Variants in CCDC138 observed in about 807,000 individuals in gnomAD.
CCDC138 encodes coiled-coil domain-containing protein 138.
A neutral mutation model predicts 82.3 loss-of-function variants in CCDC138; 66 were observed. The ratio of observed to expected loss-of-function variants is 0.80; its 90% CI spans 0.66 to 0.98. The LOEUF is 0.98. Ranked by LOEUF, CCDC138 falls within the 50% of genes least tolerant of loss-of-function variation. The pLI is 0.00. For missense variants in CCDC138, 816 were observed against 758.9 expected (o/e 1.08, Z -0.88); for synonymous variants, 297 against 265.4 (o/e 1.12, Z -1.16).
intron 14 of CCDC138, 57 bp downstream of exon 14, chr2:108,873,646 T>A: frequency 7.6e-7 from 1 of 1,316,906 alleles, no homozygotes; most frequent in Non-Finnish European, 1.1e-6. Context: ...TGTGATCATT[T>A]AAACCAGGGG....
chr2:108,816,482 G>T (rs1463755080), intron 10 of CCDC138, among the ~76,000 whole-genome samples: 1 of 151,892 alleles, frequency 6.6e-6, no homozygotes, highest in African/African-American at 2.4e-5. Context: ...AATTTGAGGG[G>T]CTGCCTCTGA....
chr2:108,873,512 G>A lies in CCDC138; in HGVS notation c.1755G>A (p.Val585=). Residue 585 remains valine (V), a synonymous_variant, in exon 14 of 15, where the codon GTG becomes GTA. Transcript: ENST00000295124. ...SNSLFFRTCS[V]LLRAPKLDLQ... Reference sequence around the variant, plus strand: ...CTTTATTTTTTCGTACTTGCTCTGTGCTGCTTCGAGCCCCTAAGCTTGATC... The same window carrying A: ...CTTTATTTTTTCGTACTTGCTCTGTACTGCTTCGAGCCCCTAAGCTTGATC... The A allele has an allele frequency of 6.2e-7, 1 of 1,612,470 alleles. No homozygotes were observed. Among genetic ancestry groups the A allele is most frequent in the Admixed American group, 1.7e-5 (1 of 59,872 alleles).
At chr2:108,862,492 AT>A (rs1186630165) in intron 13 of CCDC138, among the ~76,000 whole-genome samples, 1 of 152,178 alleles carries the variant, frequency 6.6e-6, no homozygotes, top group Admixed American at 6.5e-5. Context: ...TAATGTGGTG[AT>A]TACAGTTAAT....
intron 6 of CCDC138, among the ~76,000 whole-genome samples, chr2:108,798,840 C>CACACAT (rs1681390183): frequency 6.6e-6 from 1 of 151,276 alleles, no homozygotes; most frequent in Non-Finnish European, 1.5e-5. Context: ...CACACACACA[C>CACACAT]ACACACACAC....
intron 10 of CCDC138, among the ~76,000 whole-genome samples, chr2:108,835,891 C>G (rs1038882710): frequency 2.0e-5 from 3 of 152,194 alleles, no homozygotes; most frequent in Non-Finnish European, 4.4e-5. Flanking sequence ...TAGGGGCTTT[C>G]TTGCTGCATC....
chr2:108,828,352 A>G (rs1170013333), intron 10 of CCDC138, among the ~76,000 whole-genome samples: 1 of 152,224 alleles, frequency 6.6e-6, no homozygotes, highest in Non-Finnish European at 1.5e-5. Flanking sequence ...AAAGAATACT[A>G]CTTATCCTAA....
Position 108,812,938 on chromosome 2 carries a change from A to G in CCDC138, c.1041+11A>G. On this transcript the variant is annotated intron_variant, in intron 9 of 14. Transcript: ENST00000295124. ...TCAAAAACTTACAAGGTAAGTTTGAATTATGATTTGATATGATTGAAAATT... is the reference window on the plus strand; with the variant it reads ...TCAAAAACTTACAAGGTAAGTTTGAGTTATGATTTGATATGATTGAAAATT... 6.2e-7 allele frequency: 1 copy of G among 1,611,492 alleles called. No individual in the cohort carries two copies. Among genetic ancestry groups the G allele is most frequent in the Non-Finnish European group, 8.5e-7 (1 of 1,178,118 alleles).
At chr2:108,839,041 T>C in intron 10 of CCDC138, 144 bp from the exon 11 acceptor site, 1 of 807,972 alleles carries the variant, frequency 1.2e-6, no homozygotes, top group South Asian at 2.1e-5. Context: ...GTATTGCATA[T>C]AGTTTTAAAG....
At chr2:108,841,100 T>C (rs1422899255) in intron 11 of CCDC138, among the ~76,000 whole-genome samples, 1 of 152,144 alleles carries the variant, frequency 6.6e-6, no homozygotes, top group Non-Finnish European at 1.5e-5. Flanking sequence ...CCTCCCAAAG[T>C]ACTGGGATTA....
intron 4 of CCDC138, among the ~76,000 whole-genome samples, chr2:108,792,137 A>C (rs1201265015): frequency 6.6e-6 from 1 of 152,252 alleles, no homozygotes; most frequent in African/African-American, 2.4e-5. Context: ...CTGAACTGCC[A>C]GCAGTTTTCT....
At chr2:108,859,072 A>T (rs1204723704) in intron 13 of CCDC138, among the ~76,000 whole-genome samples, 1 of 151,946 alleles carries the variant, frequency 6.6e-6, no homozygotes, top group Non-Finnish European at 1.5e-5. Flanking sequence ...TGGCAGTTCT[A>T]TTTGACTTTA....
chr2:108,878,357 A>G (rs1696173189), downstream of CCDC138: 2 of 209,152 alleles, frequency 9.6e-6, no homozygotes, highest in Non-Finnish European at 2.0e-5. Flanking sequence ...GCCAAGAAAC[A>G]AAAGCAAAAT....
chr2:108,820,026 CT>C (rs1685406349), intron 10 of CCDC138, among the ~76,000 whole-genome samples: 1 of 152,110 alleles, frequency 6.6e-6, no homozygotes, highest in Admixed American at 6.5e-5. Flanking sequence ...AATTCTGGAG[CT>C]GAAAAATACA....
chr2:108,831,754 C>T (rs553401619), intron 10 of CCDC138, among the ~76,000 whole-genome samples: 16 of 100,806 alleles, frequency 1.6e-4, no homozygotes, highest in African/African-American at 2.5e-4. Flanking sequence ...CCTGTTGAAA[C>T]GAAGTTTCAC....
chr2:108,854,057 T>A (rs1390766470), intron 12 of CCDC138, among the ~76,000 whole-genome samples: 1 of 95,156 alleles, frequency 1.1e-5, no homozygotes, highest in African/African-American at 4.5e-5. Flanking sequence ...AAATTTATAT[T>A]ATATATATTT....
At chr2:108,861,816 C>T (rs369869706) in intron 13 of CCDC138, among the ~76,000 whole-genome samples, 2 of 151,864 alleles carry the variant, frequency 1.3e-5, no homozygotes, top group African/African-American at 4.8e-5. Flanking sequence ...GGATTACAGG[C>T]GTGAGCCACC....
At chr2:108,804,616 G>A (rs1013216585) in intron 6 of CCDC138, among the ~76,000 whole-genome samples, 3 of 152,124 alleles carry the variant, frequency 2.0e-5, no homozygotes, top group African/African-American at 7.2e-5. Flanking sequence ...GGATTTTTCT[G>A]AGCAGAAGCA....
chr2:108,881,238 T>A (rs563968454), downstream of CCDC138, among the ~76,000 whole-genome samples: 3 of 152,356 alleles, frequency 2.0e-5, no homozygotes, highest in African/African-American at 7.2e-5. Context: ...TGCTTCAACT[T>A]GCACTTTTAT....
At position 108,839,294 on chromosome 2, in the gene CCDC138, G is replaced by C. The variant is rs1689074123; in HGVS notation, c.1316G>C (p.Gly439Ala). The C allele has an allele frequency of 3.1e-6, 5 of 1,609,704 alleles. No homozygotes were observed. The Middle Eastern group carries it at 5.0e-4, about 160-fold the overall frequency. Residue 439 changes from glycine to alanine, a missense_variant, in exon 11 of 15, where the codon GGA becomes GCA. Physicochemically the swap from Gly to Ala is moderately conservative, Grantham distance 60 (BLOSUM62 0). Transcript: ENST00000295124. ...TGGTCCCTAAGGCAGCTAGATGCTGGAGCACAGGTAATTGGTTAATAGGAA... is the reference window on the plus strand; with the variant it reads ...TGGTCCCTAAGGCAGCTAGATGCTGCAGCACAGGTAATTGGTTAATAGGAA... ...IYWSLRQLDA[G>A]AQHSTMTSTL...
Sources: allele counts gnomAD v4.1 joint callset (sites outside exome capture counted in the v4.1 genomes callset), GRCh38; gene constraint gnomAD v4.1.1; transcripts MANE v1.5; gene names NCBI Gene and HGNC (gene_info 2026-07-23, HGNC 2026-07-21).